The following RABGAP1L variants were observed in gnomAD, a reference collection of about 807,000 sequenced individuals.
RABGAP1L encodes the protein RAB GTPase activating protein 1 like, also known as rab GTPase-activating protein 1-like.
Under a neutral mutation model 137.7 loss-of-function variants are expected in RABGAP1L, and 63 were observed. The observed-to-expected ratio is 0.46, with a 90% CI of 0.37 to 0.56. The LOEUF is 0.56. Ranked by LOEUF, RABGAP1L falls within the 20% of genes least tolerant of loss-of-function variation. The pLI, the probability that RABGAP1L is intolerant of heterozygous loss-of-function variation, is 0.00. For synonymous variants in RABGAP1L, 431 were observed against 433.7 expected (o/e 0.99, Z 0.08); for missense variants, 1,095 against 1,244.0 (o/e 0.88, Z 1.80).
chr1:174,249,409 T>A (rs747525489), intron 5 of RABGAP1L, among the ~76,000 whole-genome samples: 5 of 152,070 alleles, frequency 3.3e-5, no homozygotes, highest in Non-Finnish European at 7.4e-5. Flanking sequence ...TTTGTGAGAG[T>A]GTGTTGGGAA....
At chr1:174,527,209 T>G (rs982489042) in intron 13 of RABGAP1L, among the ~76,000 whole-genome samples, 4 of 150,098 alleles carry the variant, frequency 2.7e-5, no homozygotes, top group African/African-American at 4.9e-5. Flanking sequence ...ATTTTGTTTT[T>G]TTTTTTTTTT....
In RABGAP1L at chr1:174,565,751, C is replaced by T. The variant is rs73042880; in HGVS notation, c.1711-71624C>T. Among the ~76,000 whole-genome samples the T allele has an allele frequency of 5.3e-3, 811 of 152,258 alleles. 10 individuals carry two copies. Among genetic ancestry groups the T allele is most frequent in the African/African-American group, 0.018 (766 of 41,550 alleles). On this transcript the variant is annotated intron_variant, in intron 13 of 25. Transcript: ENST00000681986. ...GCAAAATGCAATAAATGTTTTCAGA[C>T]AGGTAATTGTTGATTTGTTGTATAA... is the stretch of plus-strand genomic sequence containing the variant.
chr1:174,200,234 T>C (rs1223783010), intron 1 of RABGAP1L, among the ~76,000 whole-genome samples: 1 of 152,244 alleles, frequency 6.6e-6, no homozygotes, highest in East Asian at 1.9e-4. Flanking sequence ...AAAGGATCTA[T>C]ATGAGTTCTT....
chr1:174,209,149 A>G (rs1163759573), intron 1 of RABGAP1L, among the ~76,000 whole-genome samples: 1 of 152,122 alleles, frequency 6.6e-6, no homozygotes, highest in Non-Finnish European at 1.5e-5. Flanking sequence ...TGCTGATTGG[A>G]TGTGAGGTGG....
chr1:174,293,963 A>G (rs991017058), intron 10 of RABGAP1L, among the ~76,000 whole-genome samples: 3 of 151,968 alleles, frequency 2.0e-5, no homozygotes, highest in Non-Finnish European at 4.4e-5. Context: ...CTCACTCATC[A>G]CCCTTATCAC....
chr1:174,295,232 T>C (rs1677014931), intron 10 of RABGAP1L, among the ~76,000 whole-genome samples: 1 of 150,466 alleles, frequency 6.6e-6, no homozygotes, highest in African/African-American at 2.5e-5. Flanking sequence ...TTTTTTTTTT[T>C]GGAGACAAAG....
At chr1:174,281,073 C>A (rs1202955669) in intron 10 of RABGAP1L, among the ~76,000 whole-genome samples, 1 of 152,136 alleles carries the variant, frequency 6.6e-6, no homozygotes, top group Non-Finnish European at 1.5e-5. Context: ...AGTGAAGCTG[C>A]AGACCTTCGC....
chr1:174,370,512 C>CTTTTTTTT (rs372406044), intron 11 of RABGAP1L, among the ~76,000 whole-genome samples: 1 of 50,362 alleles, frequency 2.0e-5, no homozygotes. Context: ...AGAAACCTAA[C>CTTTTTTTT]TTTTTTTTTT....
intron 17 of RABGAP1L, among the ~76,000 whole-genome samples, chr1:174,747,551 G>A (rs1184017583): frequency 6.6e-6 from 1 of 151,940 alleles, no homozygotes; most frequent in Non-Finnish European, 1.5e-5. Flanking sequence ...TTATTTTTAT[G>A]GGTAATGTCT....
chr1:174,767,204 AG>A (rs1347966358), intron 18 of RABGAP1L, among the ~76,000 whole-genome samples: 3 of 152,162 alleles, frequency 2.0e-5, no homozygotes, highest in African/African-American at 4.8e-5. Context: ...TCATGATCTG[AG>A]GGCTGTGTCA....
At chr1:174,593,108 C>G (rs1479619036) in intron 13 of RABGAP1L, among the ~76,000 whole-genome samples, 1 of 44,334 alleles carries the variant, frequency 2.3e-5, no homozygotes, top group Non-Finnish European at 3.7e-5. Context: ...AGGAATGTAT[C>G]CATTTCTTCT....
intron 13 of RABGAP1L, among the ~76,000 whole-genome samples, chr1:174,551,014 A>ATG (rs1203914269): frequency 7.8e-6 from 1 of 128,570 alleles, no homozygotes; most frequent in Non-Finnish European, 1.6e-5. Flanking sequence ...ATATATATAT[A>ATG]TATATATACA....
intron 4 of RABGAP1L, 118 bp downstream of exon 4, chr1:174,231,473 T>A: frequency 1.1e-6 from 1 of 912,120 alleles, no homozygotes; most frequent in Non-Finnish European, 1.7e-6. Flanking sequence ...ACATGCAGAG[T>A]AAACATGTTT....
intron 19 of RABGAP1L, among the ~76,000 whole-genome samples, chr1:174,931,933 C>T (rs1663863139): frequency 6.6e-6 from 1 of 150,548 alleles, no homozygotes; most frequent in Non-Finnish European, 1.5e-5. Flanking sequence ...TTGAGGCTTG[C>T]CTGCTTACCA....
chr1:174,946,303 G>A (rs1288777211), intron 19 of RABGAP1L, among the ~76,000 whole-genome samples: 5 of 152,138 alleles, frequency 3.3e-5, no homozygotes. Flanking sequence ...TGATAGTCAT[G>A]TAACATAGTG....
intron 19 of RABGAP1L, among the ~76,000 whole-genome samples, chr1:174,887,804 G>A (rs918236592): frequency 1.3e-5 from 2 of 152,172 alleles, no homozygotes; most frequent in African/African-American, 4.8e-5. Context: ...GAAGGCTGAG[G>A]TGGGCTGATC....
chr1:174,786,437 A>G (rs959300882), intron 18 of RABGAP1L, among the ~76,000 whole-genome samples: 4 of 152,192 alleles, frequency 2.6e-5, no homozygotes, highest in Non-Finnish European at 5.9e-5. Context: ...TCCTTATTAT[A>G]TTGTACACAG....
chr1:174,578,582 T>C (rs895302190), intron 13 of RABGAP1L, among the ~76,000 whole-genome samples: 5 of 152,178 alleles, frequency 3.3e-5, no homozygotes, highest in African/African-American at 1.2e-4. Context: ...CTTTATTTTC[T>C]TCCACACAGA....
At chr1:174,357,664 A>G (rs552486087) in intron 11 of RABGAP1L, among the ~76,000 whole-genome samples, 1 of 152,312 alleles carries the variant, frequency 6.6e-6, no homozygotes, top group Non-Finnish European at 1.5e-5. Flanking sequence ...TTTCCAGGAA[A>G]TGGAGGTTGA....
Sources: allele counts gnomAD v4.1 joint callset (sites outside exome capture counted in the v4.1 genomes callset), GRCh38; gene constraint gnomAD v4.1.1; transcripts MANE v1.5; gene names NCBI Gene and HGNC (gene_info 2026-07-23, HGNC 2026-07-21).